Variants in DNAH8 observed in about 807,000 individuals in gnomAD.
DNAH8 encodes axonemal beta dynein heavy chain 8.
In DNAH8, 382 loss-of-function variants were observed where a neutral mutation model predicts 562.1. That is an observed-to-expected ratio of 0.68 (90% CI 0.63 to 0.74). DNAH8 has a LOEUF of 0.74. Among genes scored for constraint, DNAH8 ranks in the 30% least tolerant of loss-of-function variants. The probability of loss-of-function intolerance (pLI) is 0.00; values close to 1 mark genes in which losing one functional copy is unlikely to be tolerated. For synonymous variants in DNAH8, 1,881 were observed against 1,919.4 expected (o/e 0.98, Z 0.52); for missense variants, 5,203 against 5,620.4 (o/e 0.93, Z 2.37).
At chr6:38,874,528 C>T (rs777377776) in intron 52 of DNAH8, among the ~76,000 whole-genome samples, 39 of 151,408 alleles carry the variant, frequency 2.6e-4, no homozygotes, top group Non-Finnish European at 4.7e-4. Flanking sequence ...CACCACCATG[C>T]CCAGCTAATT....
rs193153746 is a variant in DNAH8, at chr6:38,972,668, A to C, written c.12526-993A>C. Among the ~76,000 whole-genome samples the C allele has an allele frequency of 7.0e-3, 1,068 of 152,270 alleles. 7 individuals are homozygous for C. Among genetic ancestry groups the C allele is most frequent in the Non-Finnish European group, 0.011 (744 of 68,028 alleles). On this transcript the variant is annotated intron_variant, in intron 83 of 92. Transcript: ENST00000327475. ...TTATAACTTCCATGGTCTGTTTGTCAAAGTGGGGTAAGTATTGATTATATG... is the reference window on the plus strand; with the variant it reads ...TTATAACTTCCATGGTCTGTTTGTCCAAGTGGGGTAAGTATTGATTATATG...
Position 38,756,605 on chromosome 6 carries a change from G to T in DNAH8, c.1515+526G>T, listed in dbSNP as rs186218476. On this transcript the variant is annotated intron_variant, in intron 10 of 92. Coordinates refer to ENST00000327475, the MANE Select transcript of DNAH8 (RefSeq NM_001206927.2). Reference sequence around the variant, plus strand: ...TACATATGTATACATGTGCCATGTTGGTGTGCTGCACCCATTAACTCGTCA... The same window carrying T: ...TACATATGTATACATGTGCCATGTTTGTGTGCTGCACCCATTAACTCGTCA... Among the ~76,000 whole-genome samples, 431 of 151,658 alleles carry T rather than the reference G, an allele frequency of 2.8e-3. 2 individuals are homozygous for T. The highest frequency in any genetic ancestry group is 9.7e-3 in the African/African-American group (400 of 41,284).
chr6:38,872,726 A>T lies in DNAH8; in HGVS notation c.7181A>T (p.Asp2394Val), dbSNP rs762976815. The change falls in exon 50 of 93, where the codon GAC (aspartate) becomes GTC (valine). Residue 2394 changes from aspartate to valine, a missense_variant. Transcript: ENST00000327475. ...MFGRLDTATN[D>V]WTDGIFSTLW... ...GGCAGACTGGACACTGCTACCAATG[A>T]CTGGACAGATGGGATTTTTTCTACT... 6 of 1,614,002 alleles carry T rather than the reference A, an allele frequency of 3.7e-6. No homozygotes were observed. The East Asian group carries it at 1.3e-4, about 36-fold the overall frequency.
chr6:38,845,907 T>A, intron 36 of DNAH8, 134 bp downstream of exon 36: 1 of 705,754 alleles, frequency 1.4e-6, no homozygotes, highest in Admixed American at 2.7e-5. Flanking sequence ...TCTGTTCCTA[T>A]ACAAACTGCC....
intron 8 of DNAH8, among the ~76,000 whole-genome samples, chr6:38,743,007 CTT>C (rs11340457): frequency 0.021 from 1,074 of 52,004 alleles, 23 homozygotes; most frequent in South Asian, 0.09. Context: ...TGTTGTTGTG[CTT>C]TTTTTTTTTT....
At chr6:38,948,850 T>C (rs554259247) in intron 80 of DNAH8, among the ~76,000 whole-genome samples, 1 of 152,306 alleles carries the variant, frequency 6.6e-6, no homozygotes, top group African/African-American at 2.4e-5. Flanking sequence ...CCTTTCGTTA[T>C]TAGGCTTTAG....
chr6:38,938,127 G>A lies in DNAH8; in HGVS notation c.11717G>A (p.Ser3906Asn), dbSNP rs1050528996. The stretch of plus-strand genomic sequence containing the variant: ...TTCCGGCCCGCAGCCACCCGCGGAA[G>A]CATCCTCTACTTCCTCATCACAGAG... ...EEFRPAATRG[S>N]ILYFLITEMS... is the part of the protein sequence containing the mutation. The change falls in exon 78 of 93, where the codon AGC (serine) becomes AAC (asparagine). Residue 3906 changes from serine to asparagine, a missense_variant. By Grantham distance (46) the Ser-to-Asn change is conservative. Transcript: ENST00000327475. 7 of 1,613,920 alleles carry A rather than the reference G, an allele frequency of 4.3e-6. No individual in the cohort carries two copies. The highest frequency in any genetic ancestry group is 4.0e-5 in the African/African-American group (3 of 74,886).
intron 41 of DNAH8, among the ~76,000 whole-genome samples, chr6:38,854,697 A>C (rs1374045085): frequency 6.6e-6 from 1 of 151,966 alleles, no homozygotes; most frequent in African/African-American, 2.4e-5. Context: ...CCTGAAGGAG[A>C]GGCTTGGCCT....
intron 41 of DNAH8, among the ~76,000 whole-genome samples, chr6:38,857,054 GA>G (rs770610034): frequency 5.9e-5 from 9 of 152,170 alleles, no homozygotes; most frequent in Non-Finnish European, 1.2e-4. Flanking sequence ...TATAGAGACA[GA>G]AAAGTAGACG....
intron 53 of DNAH8, among the ~76,000 whole-genome samples, chr6:38,880,008 C>T (rs986815503): frequency 2.0e-5 from 3 of 152,138 alleles, no homozygotes; most frequent in South Asian, 2.1e-4. Context: ...TTTGGGAGGC[C>T]GAGTGGGGCA....
intron 23 of DNAH8, among the ~76,000 whole-genome samples, chr6:38,806,005 T>G (rs560175566): frequency 3.9e-5 from 6 of 152,318 alleles, no homozygotes; most frequent in Non-Finnish European, 8.8e-5. Context: ...CATTTTAAAC[T>G]AGCATTATGG....
chr6:38,973,215 A>G (rs1380141326), intron 83 of DNAH8, among the ~76,000 whole-genome samples: 1 of 152,224 alleles, frequency 6.6e-6, no homozygotes, highest in Non-Finnish European at 1.5e-5. Context: ...CACCAAACGT[A>G]TTGTCTCCAG....
At chr6:38,776,200 C>G (rs1382882973) in intron 13 of DNAH8, among the ~76,000 whole-genome samples, 3 of 148,938 alleles carry the variant, frequency 2.0e-5, no homozygotes, top group Non-Finnish European at 4.4e-5. Flanking sequence ...GCCCAAAGGG[C>G]TTTTATAGCT....
At chr6:38,957,105 A>G in intron 82 of DNAH8, among the ~76,000 whole-genome samples, 1 of 152,172 alleles carries the variant, frequency 6.6e-6, no homozygotes, top group African/African-American at 2.4e-5. Flanking sequence ...TATTCTATGC[A>G]AATGGGCACC....
At chr6:38,775,340 C>A (rs1250755406) in intron 12 of DNAH8, among the ~76,000 whole-genome samples, 1 of 152,120 alleles carries the variant, frequency 6.6e-6, no homozygotes, top group Non-Finnish European at 1.5e-5. Flanking sequence ...AGAACACAGG[C>A]GGATATGTGC....
At chr6:38,960,375 G>A (rs1457471555) in intron 82 of DNAH8, among the ~76,000 whole-genome samples, 2 of 150,968 alleles carry the variant, frequency 1.3e-5, no homozygotes, top group African/African-American at 2.4e-5. Flanking sequence ...ATCTGACAAG[G>A]TGTTAATATG....
At chr6:38,972,266 ATTGGTTTATTTT>A (rs1226016756) in intron 83 of DNAH8, among the ~76,000 whole-genome samples, 15 of 152,132 alleles carry the variant, frequency 9.9e-5, no homozygotes, top group Admixed American at 9.8e-4. Flanking sequence ...AAAATAAGAT[ATTGGTTTATTTT>A]TAAGCTTTTG....
intron 11 of DNAH8, among the ~76,000 whole-genome samples, chr6:38,766,609 C>T (rs538812240): frequency 2.6e-5 from 4 of 152,118 alleles, no homozygotes; most frequent in Non-Finnish European, 5.9e-5. Context: ...ACCTCAGCCT[C>T]CCTAGTCACT....
At chr6:38,833,809 A>G (rs1459122244) in intron 31 of DNAH8, among the ~76,000 whole-genome samples, 2 of 152,132 alleles carry the variant, frequency 1.3e-5, no homozygotes, top group Non-Finnish European at 2.9e-5. Context: ...AAAAAAAATT[A>G]TTGGGCCTCA....
Sources: gnomAD v4.1 joint callset for allele counts (sites outside exome capture counted in the v4.1 genomes callset) on GRCh38, gnomAD v4.1.1 for gene constraint, MANE v1.5 for transcripts, NCBI Gene and HGNC (gene_info 2026-07-23, HGNC 2026-07-21) for gene names.